Variants in ELP1 observed in about 807,000 individuals in gnomAD.
The protein encoded by ELP1 is elongator acetyltransferase complex subunit 1.
ELP1 carries 131 observed loss-of-function variants against 183.2 expected under a neutral mutation model. The ratio of observed to expected loss-of-function variants is 0.72; its 90% CI spans 0.62 to 0.83. The LOEUF (loss-of-function observed/expected upper bound fraction) is 0.83, where lower values mean the gene tolerates loss of function less well. Ranked by LOEUF, ELP1 falls within the 40% of genes least tolerant of loss-of-function variation. The pLI, the probability that ELP1 is intolerant of heterozygous loss-of-function variation, is 0.00. For synonymous variants in ELP1, 555 were observed against 569.0 expected (o/e 0.98, Z 0.35); for missense variants, 1,550 against 1,594.9 (o/e 0.97, Z 0.48).
chr9:108,899,018 C>T (rs764860110), intron 20 of ELP1, among the ~76,000 whole-genome samples: 4 of 152,000 alleles, frequency 2.6e-5, no homozygotes, highest in Non-Finnish European at 5.9e-5. Flanking sequence ...TACAGAAGCC[C>T]GGGCACGGTG....
chr9:108,915,958 A>C (rs1415948696), intron 10 of ELP1, among the ~76,000 whole-genome samples: 1 of 152,022 alleles, frequency 6.6e-6, no homozygotes, highest in Non-Finnish European at 1.5e-5. Flanking sequence ...TCCTAGAACT[A>C]ATCCCCCGAG....
At chr9:108,909,261 T>C (rs531212896) in intron 12 of ELP1, among the ~76,000 whole-genome samples, 9 of 152,262 alleles carry the variant, frequency 5.9e-5, no homozygotes, top group Non-Finnish European at 1.0e-4. Flanking sequence ...CATATTTAAT[T>C]GATATCTTTT....
At chr9:108,910,328 T>G (rs539099293) in intron 12 of ELP1, among the ~76,000 whole-genome samples, 1 of 152,330 alleles carries the variant, frequency 6.6e-6, no homozygotes, top group East Asian at 1.9e-4. Context: ...CCATTTAAAT[T>G]AATTAATTTT....
rs1554692181 is a variant in ELP1, at chr9:108,882,123, A to C, written c.3285+2T>G. 3.7e-6 allele frequency: 6 copies of C among 1,613,146 alleles called. No homozygotes were observed. Among genetic ancestry groups the C allele is most frequent in the Non-Finnish European group, 5.1e-6 (6 of 1,179,424 alleles). ...CATCCAGAGGATTTACAAGATTCTTACCAGCCTCAAAGCTTCTTCCCAGGC... is the reference window on the plus strand; with the variant it reads ...CATCCAGAGGATTTACAAGATTCTTCCCAGCCTCAAAGCTTCTTCCCAGGC... On this transcript the variant is annotated splice_donor_variant, in intron 30 of 36. Transcript: ENST00000374647. LOFTEE classifies it high-confidence loss of function.
At chr9:108,889,522 T>C (rs1828245003) in intron 28 of ELP1, 129 bp from the exon 29 acceptor site, 4 of 823,240 alleles carry the variant, frequency 4.9e-6, no homozygotes, top group Admixed American at 1.9e-5. Context: ...AATAGGTATA[T>C]ACACCACAGA....
intron 31 of ELP1, 113 bp downstream of exon 31, chr9:108,881,592 T>C: frequency 1.4e-6 from 1 of 702,014 alleles, no homozygotes; most frequent in Non-Finnish European, 2.6e-6. Flanking sequence ...TAATTTTGAT[T>C]GAGTCTACAT....
intron 29 of ELP1, among the ~76,000 whole-genome samples, chr9:108,884,689 A>C (rs1253780095): frequency 6.6e-6 from 1 of 152,206 alleles, no homozygotes. Context: ...AAAACATTTC[A>C]AAATTTGTAT....
intron 12 of ELP1, among the ~76,000 whole-genome samples, chr9:108,909,515 G>C (rs1433565814): frequency 6.6e-6 from 1 of 152,132 alleles, no homozygotes; most frequent in Non-Finnish European, 1.5e-5. Flanking sequence ...CTTGGGCACG[G>C]AGCCCTGACC....
At position 108,883,090 on chromosome 9, in the gene ELP1, G is replaced by A. The variant is rs561645146; in HGVS notation, c.3223-903C>T. 3.9e-5 allele frequency among the ~76,000 whole-genome samples: 6 copies of A among 152,150 alleles called. No homozygotes were observed. The East Asian group carries it at 1.2e-3, about 29-fold the overall frequency. ...TTATCAATTTATTGATTGTGTTTTTGGTATTAATTCTAACCATCCATTGCC... is the reference window on the plus strand; with the variant it reads ...TTATCAATTTATTGATTGTGTTTTTAGTATTAATTCTAACCATCCATTGCC... On this transcript the variant is annotated intron_variant, in intron 29 of 36. Transcript: ENST00000374647.
At chr9:108,924,756 T>C (rs1306758125) in intron 5 of ELP1, among the ~76,000 whole-genome samples, 9 of 144,220 alleles carry the variant, frequency 6.2e-5, no homozygotes, top group African/African-American at 1.5e-4. Flanking sequence ...CAATCACATA[T>C]GGTCCTTCAA....
At chr9:108,914,771 G>A (rs944809301) in intron 10 of ELP1, among the ~76,000 whole-genome samples, 2 of 152,008 alleles carry the variant, frequency 1.3e-5, no homozygotes, top group African/African-American at 2.4e-5. Flanking sequence ...GACTACAGGC[G>A]CCTGCCACCA....
chr9:108,912,502 G>C lies in ELP1; in HGVS notation c.959-8C>G. The C allele has an allele frequency of 6.2e-7, 1 of 1,605,412 alleles. No individual in the cohort carries two copies. Among genetic ancestry groups the C allele is most frequent in the Non-Finnish European group, 8.5e-7 (1 of 1,172,280 alleles). ...CAACAGTCCAGAGCTGAACTGCAAG[G>C]GAAAATGAAAAGAAGGCCGTTAGAG... On this transcript the variant is annotated splice_region_variant and splice_polypyrimidine_tract_variant and intron_variant, in intron 10 of 36. Coordinates refer to ENST00000374647, the MANE Select transcript of ELP1 (RefSeq NM_003640.5).
In ELP1 at chr9:108,897,245, T is replaced by C. The variant is rs751976438; in HGVS notation, c.2404A>G (p.Thr802Ala). 23 of 1,614,150 alleles carry C rather than the reference T, an allele frequency of 1.4e-5. No homozygotes were observed. The Admixed American group carries it at 3.7e-4, about 26-fold the overall frequency. ...TCCCTGGACAGGTAGACACTGCTGG[T>C]AACTGGTGCAGGGTACATGGTCTTC... is the stretch of plus-strand genomic sequence containing the variant. ...VTKTMYPAPVTSSVYLSRDPD... is the reference protein window; with the variant it reads ...VTKTMYPAPVASSVYLSRDPD... The change falls in exon 23 of 37, where the codon ACC becomes GCC. Residue 802 changes from threonine (T) to alanine (A), a missense_variant. Thr to Ala is a moderately conservative substitution (Grantham distance 58). Transcript: ENST00000374647.
chr9:108,877,006 C>T (rs1217846239), intron 35 of ELP1, among the ~76,000 whole-genome samples: 1 of 152,178 alleles, frequency 6.6e-6, no homozygotes, highest in Non-Finnish European at 1.5e-5. Context: ...GCTGGGATTA[C>T]AGGCGTGAGC....
At chr9:108,902,749 T>C in intron 16 of ELP1, 90 bp downstream of exon 16, 1 of 920,268 alleles carries the variant, frequency 1.1e-6, no homozygotes, top group East Asian at 2.4e-5. Context: ...GAGACCCAAG[T>C]CCACCTCCAA....
At chr9:108,929,254 C>G (rs572138178) in intron 3 of ELP1, among the ~76,000 whole-genome samples, 2 of 152,318 alleles carry the variant, frequency 1.3e-5, no homozygotes, top group South Asian at 4.1e-4. Flanking sequence ...AGAAACTCAA[C>G]TATACACTAA....
chr9:108,927,223 ACATAATTGGTATTATACTGGTT>A (rs1829849413), intron 4 of ELP1, 127 bp downstream of exon 4: 8 of 675,022 alleles, frequency 1.2e-5, no homozygotes, highest in South Asian at 8.1e-5. Flanking sequence ...ACACACACAT[ACATAATTGGTATTATACTGGTT>A]CATAATTGGT....
Position 108,929,951 on chromosome 9 carries a change from A to T in ELP1, c.151-30T>A, listed in dbSNP as rs748195269. ...CACCAAAGTAAACACAAGCAAATTAACCCAGTCTACTTTCAAGAATAATTG... is the reference window on the plus strand; with the variant it reads ...CACCAAAGTAAACACAAGCAAATTATCCCAGTCTACTTTCAAGAATAATTG... On this transcript the variant is annotated intron_variant, in intron 2 of 36. Coordinates refer to ENST00000374647, the MANE Select transcript of ELP1 (RefSeq NM_003640.5). The T allele has an allele frequency of 1.1e-5, 17 of 1,609,986 alleles. No homozygotes were observed. In the East Asian group the frequency reaches 3.8e-4, roughly 36 times the overall value.
intron 12 of ELP1, among the ~76,000 whole-genome samples, chr9:108,909,585 T>A (rs1401689669): frequency 6.6e-6 from 1 of 152,164 alleles, no homozygotes; most frequent in Non-Finnish European, 1.5e-5. Context: ...CCCCAGTGGG[T>A]TCTTTAACTT....
Sources: gnomAD v4.1 joint callset for allele counts (sites outside exome capture counted in the v4.1 genomes callset) on GRCh38, gnomAD v4.1.1 for gene constraint, MANE v1.5 for transcripts, NCBI Gene and HGNC (gene_info 2026-07-23, HGNC 2026-07-21) for gene names.